The following RNF180 variants were observed in gnomAD, a reference collection of about 807,000 sequenced individuals.
RNF180 encodes the protein E3 ubiquitin-protein ligase RNF180.
RNF180 carries 38 observed loss-of-function variants against 59.2 expected under a neutral mutation model. The observed-to-expected ratio is 0.64, with a 90% CI of 0.50 to 0.84. RNF180 has a LOEUF of 0.84. RNF180 is among the 40% of genes least tolerant of loss of function. RNF180 has a pLI of 0.00. For synonymous variants in RNF180, 262 were observed against 240.3 expected (o/e 1.09, Z -0.84); for missense variants, 705 against 700.9 (o/e 1.01, Z -0.07).
At chr5:64,342,781 G>GA (rs1291374944) in intron 7 of RNF180, among the ~76,000 whole-genome samples, 2 of 152,054 alleles carry the variant, frequency 1.3e-5, no homozygotes, top group African/African-American at 4.8e-5. Flanking sequence ...GTCCAGACCT[G>GA]AAAAACAACA....
At chr5:64,288,824 T>C (rs1742422741) in intron 5 of RNF180, among the ~76,000 whole-genome samples, 2 of 152,236 alleles carry the variant, frequency 1.3e-5, no homozygotes, top group Non-Finnish European at 2.9e-5. Context: ...TATAGGATCA[T>C]GTCATCTGCA....
At chr5:64,185,198 A>G (rs866763926) in intron 1 of RNF180, among the ~76,000 whole-genome samples, 2 of 152,174 alleles carry the variant, frequency 1.3e-5, no homozygotes, top group Admixed American at 1.3e-4. Flanking sequence ...TAACACCTTC[A>G]CTGCTATCAC....
intron 2 of RNF180, among the ~76,000 whole-genome samples, chr5:64,206,825 C>A (rs964280692): frequency 1.3e-5 from 2 of 152,176 alleles, no homozygotes; most frequent in East Asian, 3.9e-4. Flanking sequence ...CAGCCACCTG[C>A]AGGCTAGAAA....
At chr5:64,335,405 T>G (rs1745080497) in intron 7 of RNF180, among the ~76,000 whole-genome samples, 3 of 152,086 alleles carry the variant, frequency 2.0e-5, no homozygotes. Context: ...AGATATTTTC[T>G]TATGTATTTT....
chr5:64,233,365 C>A (rs1426400964), intron 5 of RNF180, among the ~76,000 whole-genome samples: 1 of 151,974 alleles, frequency 6.6e-6, no homozygotes, highest in Non-Finnish European at 1.5e-5. Context: ...TAGATTTCAG[C>A]AGTTATAGGA....
intron 3 of RNF180, among the ~76,000 whole-genome samples, chr5:64,212,753 A>G (rs1215842464): frequency 1.3e-5 from 2 of 152,194 alleles, no homozygotes; most frequent in East Asian, 3.8e-4. Flanking sequence ...CTGACCTGGT[A>G]TGTGTAGTTA....
At chr5:64,329,758 A>T (rs1227280312) in intron 6 of RNF180, among the ~76,000 whole-genome samples, 1 of 152,160 alleles carries the variant, frequency 6.6e-6, no homozygotes, top group Non-Finnish European at 1.5e-5. Context: ...GATTCTTACA[A>T]GGAGTGTGCA....
intron 7 of RNF180, among the ~76,000 whole-genome samples, chr5:64,338,488 A>T (rs544389795): frequency 6.6e-6 from 1 of 152,124 alleles, no homozygotes; most frequent in African/African-American, 2.4e-5. Flanking sequence ...CAAAAAAATT[A>T]GCCTGGCGTG....
intron 5 of RNF180, among the ~76,000 whole-genome samples, chr5:64,218,229 C>T (rs57876896): frequency 0.33 from 50,874 of 151,942 alleles, 9,539 homozygotes; most frequent in African/African-American, 0.51. Flanking sequence ...CCTATGGTTT[C>T]TTCAAAAAGT....
rs1257702818 is a variant in RNF180 at position 64,370,640 on chromosome 5, ATAAAG to A, written c.*829_*833del. 6.6e-6 allele frequency: 1 copy of A among 151,678 alleles called. No homozygotes were observed. Among genetic ancestry groups the A allele is most frequent in the Non-Finnish European group, 1.5e-5 (1 of 67,746 alleles). 9.4% of individuals were successfully genotyped at this position (151,678 alleles called of 1,614,324 possible). A position where few individuals can be genotyped will look rare whatever the true frequency, so the allele number is the denominator to read the frequency against. ...GGCTTTTAATTTTTTTAATGTCTGAATAAAGTATTGTTATAAATAGGCTTATCGAT... is the reference window on the plus strand; with the variant it reads ...GGCTTTTAATTTTTTTAATGTCTGAATATTGTTATAAATAGGCTTATCGAT... On this transcript the variant is annotated 3_prime_UTR_variant, in exon 8 of 8. Coordinates refer to ENST00000389100, the MANE Select transcript of RNF180 (RefSeq NM_001113561.2).
chr5:64,200,276 T>TA (rs535702726), intron 1 of RNF180, among the ~76,000 whole-genome samples: 13 of 151,450 alleles, frequency 8.6e-5, no homozygotes, highest in Middle Eastern at 3.4e-3. Flanking sequence ...CTACAGAAAG[T>TA]AAAAAAAATA....
At position 64,213,729 on chromosome 5, in the gene RNF180, G is replaced by A; in HGVS notation, c.403G>A (p.Val135Met). The change falls in exon 4 of 8, where the codon GTG becomes ATG. Residue 135 changes from valine to methionine, a missense_variant. Transcript: ENST00000389100. ...TQAGRLMRPS[V>M]KYLSHPRVQS... Reference sequence around the variant, plus strand: ...GGCAGGCAGACTAATGAGACCATCAGTGAAATACTTGTCACATCCTAGAGT... The same window carrying A: ...GGCAGGCAGACTAATGAGACCATCAATGAAATACTTGTCACATCCTAGAGT... 1 of 1,614,198 alleles carries A rather than the reference G, an allele frequency of 6.2e-7. No individual in the cohort carries two copies. Among genetic ancestry groups the A allele is most frequent in the Non-Finnish European group, 8.5e-7 (1 of 1,180,020 alleles).
intron 7 of RNF180, among the ~76,000 whole-genome samples, chr5:64,334,569 T>C (rs552795428): frequency 4.6e-5 from 7 of 152,184 alleles, no homozygotes; most frequent in Non-Finnish European, 1.0e-4. Flanking sequence ...TTACCCTGAT[T>C]CCCCTGAATT....
chr5:64,357,360 T>A (rs1181466584), intron 7 of RNF180, among the ~76,000 whole-genome samples: 2 of 151,876 alleles, frequency 1.3e-5, no homozygotes, highest in African/African-American at 4.8e-5. Context: ...AATTCTTATG[T>A]AATATGAAGC....
intron 5 of RNF180, among the ~76,000 whole-genome samples, chr5:64,294,559 C>T (rs1742786443): frequency 6.6e-6 from 1 of 151,972 alleles, no homozygotes; most frequent in Non-Finnish European, 1.5e-5. Context: ...TATTTTTCTA[C>T]CTTAAAAATT....
intron 7 of RNF180, among the ~76,000 whole-genome samples, chr5:64,346,715 C>T (rs1473300142): frequency 6.6e-6 from 1 of 152,028 alleles, no homozygotes. Flanking sequence ...AGTCCCAATG[C>T]CCAGGCCATA....
chr5:64,372,359 GCTT>G lies in RNF180; in HGVS notation c.*2548_*2550del, dbSNP rs899019832. On this transcript the variant is annotated 3_prime_UTR_variant, in exon 8 of 8. Coordinates refer to ENST00000389100, the MANE Select transcript of RNF180 (RefSeq NM_001113561.2). ...AGAATCAGAATTTATATTTTACAAA[GCTT>G]CTACCACTCTGAATCAACAAAATCA... 5 of 151,624 alleles carry G rather than the reference GCTT, an allele frequency of 3.3e-5. No homozygotes were observed. Among genetic ancestry groups the G allele is most frequent in the African/African-American group, 4.8e-5 (2 of 41,344 alleles). The allele number at this position is 151,624 out of a possible 1,614,324, so 9.4% of individuals were successfully genotyped here. A position where few individuals can be genotyped will look rare whatever the true frequency, so the allele number is the denominator to read the frequency against.
At chr5:64,249,666 G>C (rs1213875014) in intron 5 of RNF180, among the ~76,000 whole-genome samples, 1 of 152,092 alleles carries the variant, frequency 6.6e-6, no homozygotes, top group African/African-American at 2.4e-5. Context: ...AAGTGAGCAG[G>C]AGTAGCTATA....
At chr5:64,175,420 T>C (rs2111902572) in intron 1 of RNF180, among the ~76,000 whole-genome samples, 1 of 152,346 alleles carries the variant, frequency 6.6e-6, no homozygotes, top group Non-Finnish European at 1.5e-5. Flanking sequence ...TTATCAAAAA[T>C]CAGTTGGTTG....
Sources: allele counts gnomAD v4.1 joint callset (sites outside exome capture counted in the v4.1 genomes callset), GRCh38; gene constraint gnomAD v4.1.1; transcripts MANE v1.5; gene names NCBI Gene and HGNC (gene_info 2026-07-23, HGNC 2026-07-21).